CCSER1: variants seen among roughly 807,000 people sequenced by gnomAD.
The protein encoded by CCSER1 is coiled-coil serine rich protein 1.
Under a neutral mutation model 82.0 loss-of-function variants are expected in CCSER1, and 41 were observed. That is an observed-to-expected ratio of 0.50 (90% confidence interval 0.39 to 0.65). The LOEUF (loss-of-function observed/expected upper bound fraction) is 0.65, where lower values mean the gene tolerates loss of function less well. Among genes scored for constraint, CCSER1 ranks in the 30% least tolerant of loss-of-function variants. The probability of loss-of-function intolerance (pLI) is 0.00; values close to 1 mark genes in which losing one functional copy is unlikely to be tolerated. For missense variants in CCSER1, 1,119 were observed against 1,064.2 expected, an observed-to-expected ratio of 1.05 and a Z score of -0.72; for synonymous variants, 414 against 383.9, an observed-to-expected ratio of 1.08 and a Z score of -0.92.
intron 1 of CCSER1, among the ~76,000 whole-genome samples, chr4:90,191,944 C>T (rs2153397238): frequency 6.6e-6 from 1 of 152,154 alleles, no homozygotes; most frequent in African/African-American, 2.4e-5. Context: ...AAATTGCTGT[C>T]ACTTTACCCT....
chr4:91,143,679 C>A (rs1729264921), intron 10 of CCSER1, among the ~76,000 whole-genome samples: 1 of 151,888 alleles, frequency 6.6e-6, no homozygotes, highest in Non-Finnish European at 1.5e-5. Flanking sequence ...TTTTTTTAAT[C>A]ATGAAGTGGT....
intron 10 of CCSER1, among the ~76,000 whole-genome samples, chr4:91,385,975 CAT>C (rs1045269935): frequency 9.2e-5 from 14 of 151,816 alleles, no homozygotes; most frequent in Admixed American, 2.0e-4. Flanking sequence ...CACACACACA[CAT>C]ACATATATAT....
At position 91,602,978 on chromosome 4, in the gene CCSER1, T is replaced by C. The variant is rs1055814345; in HGVS notation, c.*3921T>C. Among the ~76,000 whole-genome samples the C allele has an allele frequency of 7.2e-5, 11 of 152,106 alleles. No individual in the cohort carries two copies. The highest frequency in any genetic ancestry group is 3.2e-3 in the Middle Eastern group (1 of 316). On this transcript the variant is annotated 3_prime_UTR_variant, in exon 11 of 11. Transcript: ENST00000509176. ...TTGTATAAGAAGTATTTCAATCACA[T>C]GTAATATTCTTGGGAAATTTACCTC...
chr4:90,667,531 C>T (rs926599038), intron 6 of CCSER1, among the ~76,000 whole-genome samples: 4 of 152,064 alleles, frequency 2.6e-5, no homozygotes, highest in African/African-American at 9.7e-5. Flanking sequence ...GGTGATGTTC[C>T]CCTCCCTGTG....
rs549064380 is a variant in CCSER1, at chr4:90,366,944, AT to A, written c.1510-33086del. 5.0e-3 allele frequency among the ~76,000 whole-genome samples: 761 copies of A among 151,984 alleles called. 13 individuals carry two copies. The highest frequency in any genetic ancestry group is 0.018 in the African/African-American group (736 of 41,514). ...TTAACAAAATCAAAACAAACAAAAT[AT>A]TTTTTAACCTGTTTGCATACAATAC... is the stretch of plus-strand genomic sequence containing the variant. On this transcript the variant is annotated intron_variant, in intron 3 of 10. Transcript: ENST00000509176.
intron 9 of CCSER1, among the ~76,000 whole-genome samples, chr4:91,085,365 C>G (rs1287380232): frequency 6.6e-6 from 1 of 152,012 alleles, no homozygotes; most frequent in Non-Finnish European, 1.5e-5. Context: ...AATTGACTTG[C>G]TAAGAAAAAG....
intron 3 of CCSER1, among the ~76,000 whole-genome samples, chr4:90,342,814 T>C (rs554327473): frequency 7.2e-5 from 11 of 152,184 alleles, no homozygotes; most frequent in African/African-American, 2.6e-4. Context: ...TCATCCTCTT[T>C]CTCTTCTCTG....
In CCSER1 at chr4:90,606,542, C is replaced by T. The variant is rs190189498; in HGVS notation, c.1725-21483C>T. Among the ~76,000 whole-genome samples the T allele has an allele frequency of 1.3e-3, 204 of 152,206 alleles. 2 individuals are homozygous for T. Among genetic ancestry groups the T allele is most frequent in the Admixed American group, 0.013 (202 of 15,286 alleles). On this transcript the variant is annotated intron_variant, in intron 5 of 10. Coordinates refer to ENST00000509176, the MANE Select transcript of CCSER1 (RefSeq NM_001145065.2). ...TTACATGGTACAGTCCCACACTTGA[C>T]GTGATATAGAGTTCATATGTCACTT...
intron 10 of CCSER1, among the ~76,000 whole-genome samples, chr4:91,170,877 A>G (rs993525152): frequency 1.3e-5 from 2 of 152,224 alleles, no homozygotes; most frequent in African/African-American, 2.4e-5. Context: ...AGCTTATTGT[A>G]CATGGTAAAG....
At chr4:90,314,134 A>T (rs946456749) in intron 3 of CCSER1, among the ~76,000 whole-genome samples, 3 of 152,138 alleles carry the variant, frequency 2.0e-5, no homozygotes, top group Non-Finnish European at 4.4e-5. Context: ...ACCATTTCTT[A>T]ATCCTGGGCA....
intron 1 of CCSER1, among the ~76,000 whole-genome samples, chr4:90,153,363 T>C (rs1418747099): frequency 6.6e-6 from 1 of 152,288 alleles, no homozygotes; most frequent in South Asian, 2.1e-4. Flanking sequence ...CATGTGTCTT[T>C]ATAGCAGCAT....
At chr4:90,699,608 A>G (rs749081672) in intron 6 of CCSER1, among the ~76,000 whole-genome samples, 1 of 152,146 alleles carries the variant, frequency 6.6e-6, no homozygotes, top group Non-Finnish European at 1.5e-5. Context: ...GTTTAAAGTA[A>G]TTTTTGTACC....
At chr4:91,593,688 C>T (rs1764382623) in intron 10 of CCSER1, among the ~76,000 whole-genome samples, 1 of 151,910 alleles carries the variant, frequency 6.6e-6, no homozygotes, top group East Asian at 1.9e-4. Context: ...GTGGATGACA[C>T]TGAATCATTG....
chr4:91,462,159 T>G (rs112559250), intron 10 of CCSER1, among the ~76,000 whole-genome samples: 1,553 of 152,232 alleles, frequency 0.01, 11 homozygotes, highest in Middle Eastern at 0.02. Context: ...AATTCTGAAG[T>G]AACAAAAATC....
chr4:90,723,522 A>G (rs2149374111), intron 6 of CCSER1, among the ~76,000 whole-genome samples: 1 of 152,062 alleles, frequency 6.6e-6, no homozygotes, highest in East Asian at 1.9e-4. Flanking sequence ...GAAAAACTGT[A>G]ATACACGTTT....
At chr4:90,837,454 C>A (rs1032507864) in intron 8 of CCSER1, among the ~76,000 whole-genome samples, 44 of 152,238 alleles carry the variant, frequency 2.9e-4, no homozygotes, top group African/African-American at 9.9e-4. Context: ...GTGCAGCCCT[C>A]TGCAAATTCT....
At chr4:90,754,839 A>T in intron 7 of CCSER1, among the ~76,000 whole-genome samples, 1 of 152,212 alleles carries the variant, frequency 6.6e-6, no homozygotes, top group East Asian at 1.9e-4. Context: ...AATCTTACAC[A>T]TAAAACTTGG....
intron 10 of CCSER1, among the ~76,000 whole-genome samples, chr4:91,519,838 G>C (rs1022681811): frequency 6.6e-6 from 1 of 152,148 alleles, no homozygotes; most frequent in Non-Finnish European, 1.5e-5. Flanking sequence ...TGTTCGCCTG[G>C]ATGTTTCAGT....
At chr4:90,465,978 T>C (rs1763580714) in intron 4 of CCSER1, among the ~76,000 whole-genome samples, 1 of 152,206 alleles carries the variant, frequency 6.6e-6, no homozygotes. Flanking sequence ...TTATCAGGAA[T>C]ATATAAATTG....
Sources: gnomAD v4.1 joint callset for allele counts (sites outside exome capture counted in the v4.1 genomes callset) on GRCh38, gnomAD v4.1.1 for gene constraint, MANE v1.5 for transcripts, NCBI Gene and HGNC (gene_info 2026-07-23, HGNC 2026-07-21) for gene names.